IFT81: variants seen among roughly 807,000 people sequenced by gnomAD.
The protein encoded by IFT81 is intraflagellar transport protein 81 homolog.
IFT81 carries 72 observed loss-of-function variants against 102.6 expected under a neutral mutation model. The ratio of observed to expected loss-of-function variants is 0.70; its 90% CI spans 0.58 to 0.85. The LOEUF is 0.85. Among genes scored for constraint, IFT81 ranks in the 40% least tolerant of loss-of-function variants. IFT81 has a pLI of 0.00. For synonymous variants in IFT81, 237 were observed against 242.7 expected (o/e 0.98, Z 0.22); for missense variants, 723 against 787.3 (o/e 0.92, Z 0.98).
chr12:110,155,717 A>G (rs1357857679), intron 10 of IFT81, among the ~76,000 whole-genome samples: 1 of 152,032 alleles, frequency 6.6e-6, no homozygotes, highest in African/African-American at 2.4e-5. Flanking sequence ...TCATTTTGCT[A>G]TTTGCTTTCT....
chr12:110,204,801 T>A (rs369794866), intron 15 of IFT81: 18 of 152,436 alleles, frequency 1.2e-4, no homozygotes, highest in Admixed American at 8.5e-4. Flanking sequence ...ATAGCGCTTA[T>A]CCCCATCTCA....
At chr12:110,173,027 A>G (rs1278219005) in intron 11 of IFT81, among the ~76,000 whole-genome samples, 78 of 122,776 alleles carry the variant, frequency 6.4e-4, no homozygotes, top group African/African-American at 8.6e-4. Flanking sequence ...CGCCCCGTCC[A>G]GGAGGTGAGG....
chr12:110,179,773 TAC>T (rs34207126), intron 11 of IFT81, among the ~76,000 whole-genome samples: 517 of 50,390 alleles, frequency 0.01, 3 homozygotes, highest in Middle Eastern at 0.033. Flanking sequence ...TATATATATA[TAC>T]ACACACACAC....
In IFT81 at chr12:110,218,210, A is replaced by G. The variant is rs1444904476; in HGVS notation, c.2015A>G (p.Asp672Gly). ...IGQVIQEGGE[D>G]RLIL ...CAGGTAATTCAGGAGGGTGGGGAGG[A>G]CCGGCTAATACTGTGAATTCTTGTG... The change falls in exon 19 of 19, where the codon GAC becomes GGC. Residue 672 changes from aspartate to glycine, a missense_variant. Asp to Gly is a moderately conservative substitution (Grantham distance 94). Coordinates refer to ENST00000242591, the MANE Select transcript of IFT81 (RefSeq NM_014055.4). 7 of 1,538,900 alleles carry G rather than the reference A, an allele frequency of 4.5e-6. No homozygotes were observed. The highest frequency in any genetic ancestry group is 2.6e-5 in the South Asian group (2 of 78,298).
At chr12:110,172,206 G>A (rs918218293) in intron 11 of IFT81, 1 of 152,638 alleles carries the variant, frequency 6.6e-6, no homozygotes, top group African/African-American at 2.4e-5. Context: ...GAGGCAGGAG[G>A]ATCACCTGAG....
intron 12 of IFT81, among the ~76,000 whole-genome samples, chr12:110,183,483 A>G (rs1897392883): frequency 6.6e-6 from 1 of 152,164 alleles, no homozygotes; most frequent in Admixed American, 6.5e-5. Flanking sequence ...TATTTGGCTC[A>G]TACGTAACTT....
At position 110,204,908 on chromosome 12, in the gene IFT81, A is replaced by G. The variant is rs1029512076; in HGVS notation, c.1645-535A>G. The stretch of plus-strand genomic sequence containing the variant: ...TCACTTCTGTGTCCTCAGCACTTAG[A>G]ACAGTGCTGGACACACAGTAGGTAC... On this transcript the variant is annotated intron_variant, in intron 15 of 18. Transcript: ENST00000242591. The G allele has an allele frequency of 2.0e-5, 3 of 152,490 alleles. No individual in the cohort carries two copies. In the East Asian group the frequency reaches 5.8e-4, roughly 29 times the overall value. 9.4% of individuals were successfully genotyped at this position (152,490 alleles called of 1,614,324 possible). A position where few individuals can be genotyped will look rare whatever the true frequency, so the allele number is the denominator to read the frequency against.
chr12:110,163,109 T>C, intron 11 of IFT81, 44 bp downstream of exon 11: 1 of 1,533,024 alleles, frequency 6.5e-7, no homozygotes, highest in Non-Finnish European at 8.9e-7. Flanking sequence ...AGTATTGTTT[T>C]TATGTGAAAC....
At chr12:110,165,303 G>T (rs1896375075) in intron 11 of IFT81, among the ~76,000 whole-genome samples, 1 of 152,106 alleles carries the variant, frequency 6.6e-6, no homozygotes, top group Non-Finnish European at 1.5e-5. Flanking sequence ...ATGATAAAGT[G>T]ATAGGCCATA....
At chr12:110,125,463 C>G (rs940849840) in intron 1 of IFT81, among the ~76,000 whole-genome samples, 1 of 152,152 alleles carries the variant, frequency 6.6e-6, no homozygotes, top group African/African-American at 2.4e-5. Flanking sequence ...GGCGCGATCT[C>G]GGCTCACTGC....
chr12:110,184,238 C>G (rs1010856401), intron 12 of IFT81, among the ~76,000 whole-genome samples: 3 of 151,970 alleles, frequency 2.0e-5, no homozygotes, highest in African/African-American at 7.3e-5. Context: ...TAGTCCCAGC[C>G]ACTCGGGAGG....
intron 13 of IFT81, 111 bp downstream of exon 13, chr12:110,191,159 T>C (rs1455407701): frequency 1.1e-6 from 1 of 951,900 alleles, no homozygotes; most frequent in Non-Finnish European, 1.5e-6. Context: ...GCACATTACA[T>C]TCTTTCATCT....
At chr12:110,172,505 G>C (rs938680485) in intron 11 of IFT81, among the ~76,000 whole-genome samples, 6 of 152,162 alleles carry the variant, frequency 3.9e-5, no homozygotes, top group African/African-American at 1.4e-4. Context: ...TCCTGCCTCA[G>C]CCTGCCGAGT....
chr12:110,153,769 C>T (rs1259261655), intron 10 of IFT81, among the ~76,000 whole-genome samples: 1 of 151,176 alleles, frequency 6.6e-6, no homozygotes, highest in Non-Finnish European at 1.5e-5. Flanking sequence ...CACCACCATG[C>T]CAGCTAATTT....
chr12:110,138,656 C>T (rs1021589916), intron 8 of IFT81, among the ~76,000 whole-genome samples: 1 of 152,306 alleles, frequency 6.6e-6, no homozygotes, highest in South Asian at 2.1e-4. Context: ...TGGTCTTGAA[C>T]TCCCGACCTC....
At chr12:110,156,384 A>G (rs367765964) in intron 10 of IFT81, among the ~76,000 whole-genome samples, 1 of 150,388 alleles carries the variant, frequency 6.6e-6, no homozygotes, top group South Asian at 2.1e-4. Flanking sequence ...TTCACCTTTC[A>G]GGACTTATTT....
At chr12:110,190,608 G>A (rs978653802) in intron 12 of IFT81, among the ~76,000 whole-genome samples, 2 of 151,936 alleles carry the variant, frequency 1.3e-5, no homozygotes, top group African/African-American at 4.8e-5. Flanking sequence ...CATATCATTT[G>A]AGAATTCATT....
At chr12:110,165,464 C>T (rs981518778) in intron 11 of IFT81, among the ~76,000 whole-genome samples, 2 of 151,956 alleles carry the variant, frequency 1.3e-5, no homozygotes, top group African/African-American at 2.4e-5. Flanking sequence ...TGTCCTTTGC[C>T]CCCCATCTGT....
intron 11 of IFT81, among the ~76,000 whole-genome samples, chr12:110,179,761 T>TAC (rs1897224546): frequency 2.9e-5 from 2 of 67,940 alleles, no homozygotes; most frequent in Non-Finnish European, 5.4e-5. Context: ...TATATATATA[T>TAC]ATATATATAT....
Sources: allele counts gnomAD v4.1 joint callset (sites outside exome capture counted in the v4.1 genomes callset), GRCh38; gene constraint gnomAD v4.1.1; transcripts MANE v1.5; gene names NCBI Gene and HGNC (gene_info 2026-07-23, HGNC 2026-07-21).